Variants in PGCKA1 observed in about 807,000 individuals in gnomAD.
The protein encoded by PGCKA1 is PDCD10 and GCKIII kinases associated 1, also known as PDCD10 and GCKIII kinases-associated protein 1.
At chr4:37,461,651 G>A in the PGCKA1 span, among the ~76,000 whole-genome samples, 3 of 151,986 alleles carry the variant, frequency 2.0e-5, no homozygotes, top group Non-Finnish European at 2.9e-5. Flanking sequence ...GTAGGGGTGC[G>A]TTTTTGGCAG....
chr4:37,463,944 C>T, the PGCKA1 span, among the ~76,000 whole-genome samples: 6 of 152,182 alleles, frequency 3.9e-5, no homozygotes, highest in South Asian at 8.3e-4. Flanking sequence ...CAAGAATCCA[C>T]GGCTGGAGCA....
chr4:37,563,987 T>C, the PGCKA1 span, among the ~76,000 whole-genome samples: 3 of 152,064 alleles, frequency 2.0e-5, no homozygotes, highest in Admixed American at 2.0e-4. Context: ...TAAAGAATAT[T>C]CTCAGCCAGG....
At chr4:37,505,715 C>A in the PGCKA1 span, among the ~76,000 whole-genome samples, 1 of 152,162 alleles carries the variant, frequency 6.6e-6, no homozygotes, top group Non-Finnish European at 1.5e-5. Flanking sequence ...TGGGAAAGAC[C>A]TGCCCCCATG....
the PGCKA1 span, among the ~76,000 whole-genome samples, chr4:37,516,186 G>A: frequency 5.3e-5 from 8 of 151,900 alleles, no homozygotes; most frequent in African/African-American, 9.7e-5. Context: ...AAAGGCTAAA[G>A]GAAGAGTGAT....
chr4:37,569,276 C>T, the PGCKA1 span, among the ~76,000 whole-genome samples: 1 of 152,026 alleles, frequency 6.6e-6, no homozygotes, highest in East Asian at 1.9e-4. Context: ...CGGCTCACTG[C>T]AACCTCCGCC....
the PGCKA1 span, among the ~76,000 whole-genome samples, chr4:37,575,569 T>C: frequency 1.1e-4 from 17 of 152,152 alleles, no homozygotes; most frequent in African/African-American, 3.9e-4. Flanking sequence ...ACTCCGTTGA[T>C]TGTTTTCTTT....
At chr4:37,454,626 C>G in the PGCKA1 span, among the ~76,000 whole-genome samples, 2 of 152,096 alleles carry the variant, frequency 1.3e-5, no homozygotes, top group Non-Finnish European at 2.9e-5. Context: ...AAAGAGGGTG[C>G]CAGGTGCAAA....
chr4:37,511,809 C>T, the PGCKA1 span, among the ~76,000 whole-genome samples: 1 of 152,176 alleles, frequency 6.6e-6, no homozygotes, highest in Admixed American at 6.5e-5. Context: ...GACCCCATTT[C>T]ACTTGCAGTC....
At chr4:37,557,032 C>G in the PGCKA1 span, among the ~76,000 whole-genome samples, 1 of 152,122 alleles carries the variant, frequency 6.6e-6, no homozygotes, top group Non-Finnish European at 1.5e-5. Flanking sequence ...TAAGACAGAG[C>G]TCATTATCTC....
chr4:37,571,355 C>CATTTTTTTTTTTTTTT, the PGCKA1 span, among the ~76,000 whole-genome samples: 4 of 78,036 alleles, frequency 5.1e-5, 1 homozygote, highest in Non-Finnish European at 4.4e-5. Flanking sequence ...GACTATTATC[C>CATTTTTTTTTTTTTTT]TTTTTTTTTT....
At chr4:37,508,534 A>G in the PGCKA1 span, among the ~76,000 whole-genome samples, 2 of 146,032 alleles carry the variant, frequency 1.4e-5, no homozygotes, top group South Asian at 4.4e-4. Flanking sequence ...GCATTTTTTT[A>G]TTCTTAAACT....
chr4:37,554,373 G>A, the PGCKA1 span, among the ~76,000 whole-genome samples: 1 of 130,222 alleles, frequency 7.7e-6, no homozygotes, highest in Non-Finnish European at 1.6e-5. Flanking sequence ...TTATTTAGAG[G>A]CAGAGTCTTG....
At chr4:37,550,996 A>G in the PGCKA1 span, among the ~76,000 whole-genome samples, 1 of 148,314 alleles carries the variant, frequency 6.7e-6, no homozygotes, top group East Asian at 1.9e-4. Context: ...TAGGACAAAA[A>G]CTGTAATAAT....
At chr4:37,573,459 C>A in the PGCKA1 span, among the ~76,000 whole-genome samples, 2 of 152,328 alleles carry the variant, frequency 1.3e-5, no homozygotes, top group East Asian at 3.9e-4. Flanking sequence ...TGCCATCCTG[C>A]TAGCCTTGTG....
chr4:37,589,424 G>A, the PGCKA1 span, among the ~76,000 whole-genome samples: 2 of 152,124 alleles, frequency 1.3e-5, no homozygotes, highest in East Asian at 1.9e-4. Flanking sequence ...TGTATTGTAA[G>A]TATCATTCCT....
the PGCKA1 span, among the ~76,000 whole-genome samples, chr4:37,551,013 AT>A: frequency 7.5e-6 from 1 of 133,526 alleles, no homozygotes; most frequent in African/African-American, 2.7e-5. Context: ...TAATAGTACC[AT>A]AAAAAAAAAA....
the PGCKA1 span, among the ~76,000 whole-genome samples, chr4:37,514,312 C>T: frequency 6.6e-6 from 1 of 152,176 alleles, no homozygotes; most frequent in Non-Finnish European, 1.5e-5. Flanking sequence ...AATACTGTTA[C>T]AATGTCAGTT....
chr4:37,571,532 T>G, the PGCKA1 span, among the ~76,000 whole-genome samples: 1 of 146,716 alleles, frequency 6.8e-6, no homozygotes, highest in African/African-American at 2.5e-5. Flanking sequence ...CCAGCTAATT[T>G]TTGTATTTTT....
chr4:37,501,660 C>A, the PGCKA1 span, among the ~76,000 whole-genome samples: 1 of 152,292 alleles, frequency 6.6e-6, no homozygotes, highest in East Asian at 1.9e-4. Context: ...CTGGTGGTAA[C>A]AAATTCCCTC....
Sources: allele counts gnomAD v4.1 joint callset (sites outside exome capture counted in the v4.1 genomes callset), GRCh38; gene constraint gnomAD v4.1.1; transcripts MANE v1.5; gene names NCBI Gene and HGNC (gene_info 2026-07-23, HGNC 2026-07-21).